Variants in ANO10 observed in about 807,000 individuals in gnomAD.
ANO10 encodes the protein anoctamin 10, also known as anoctamin-10.
ANO10 carries 77 observed loss-of-function variants against 74.7 expected under a neutral mutation model. The ratio of observed to expected loss-of-function variants is 1.03; its 90% confidence interval spans 0.86 to 1.25. ANO10 has a LOEUF of 1.25. Ranked by LOEUF, ANO10 falls within the 50% of genes most tolerant of loss-of-function variation. ANO10 has a pLI of 0.00. For missense variants in ANO10, 721 were observed against 778.1 expected, an observed-to-expected ratio of 0.93 and a Z score of 0.87; for synonymous variants, 279 against 284.9, an observed-to-expected ratio of 0.98 and a Z score of 0.21.
chr3:43,477,531 T>C (rs1041096925), intron 11 of ANO10, among the ~76,000 whole-genome samples: 1 of 152,208 alleles, frequency 6.6e-6, no homozygotes, highest in South Asian at 2.1e-4. Flanking sequence ...AAAATGTCAT[T>C]GCATAAAAGT....
chr3:43,602,685 G>C (rs2082390163), intron 2 of ANO10, among the ~76,000 whole-genome samples: 2 of 152,154 alleles, frequency 1.3e-5, no homozygotes, highest in Admixed American at 6.5e-5. Context: ...TTTTGAAAAA[G>C]AGCATTTTTC....
chr3:43,633,835 T>C (rs1559378246), intron 1 of ANO10, among the ~76,000 whole-genome samples: 1 of 151,486 alleles, frequency 6.6e-6, no homozygotes, highest in Non-Finnish European at 1.5e-5. Context: ...TCAAGTCCCA[T>C]GGGAACATGT....
chr3:43,642,879 G>A (rs942592212), intron 1 of ANO10, among the ~76,000 whole-genome samples: 6 of 151,112 alleles, frequency 4.0e-5, no homozygotes, highest in South Asian at 2.1e-4. Context: ...ATGCCTGGTC[G>A]CCAATTCATG....
chr3:43,586,781 G>A (rs757441112), intron 4 of ANO10, among the ~76,000 whole-genome samples: 3 of 152,060 alleles, frequency 2.0e-5, no homozygotes, highest in Non-Finnish European at 4.4e-5. Flanking sequence ...GGACCTCTGA[G>A]AGCTGAAGGA....
At chr3:43,437,408 C>A (rs1239447781) in intron 11 of ANO10, among the ~76,000 whole-genome samples, 1 of 152,190 alleles carries the variant, frequency 6.6e-6, no homozygotes, top group Non-Finnish European at 1.5e-5. Context: ...TCATAGGGAC[C>A]TTTCTCATGC....
At chr3:43,488,216 C>CT (rs1489555150) in intron 11 of ANO10, among the ~76,000 whole-genome samples, 4 of 151,114 alleles carry the variant, frequency 2.6e-5, no homozygotes, top group Non-Finnish European at 4.4e-5. Flanking sequence ...CATAAAAACC[C>CT]TAGAAGAAAA....
At chr3:43,688,979 G>C (rs1325909924) in intron 1 of ANO10, among the ~76,000 whole-genome samples, 1 of 152,172 alleles carries the variant, frequency 6.6e-6, no homozygotes, top group Non-Finnish European at 1.5e-5. Flanking sequence ...ATTTACTCAC[G>C]GCAGAGGGCA....
rs558215544 is a variant in ANO10 at position 43,616,152 on chromosome 3, A to G, written c.-12+5757T>C. On this transcript the variant is annotated intron_variant, in intron 1 of 12. Transcript: ENST00000292246. ...CTTCCATCCCGCACCTATCCAGGAG[A>G]CTGCAAAGCTTCAGAGAGCTGGACA... Among the ~76,000 whole-genome samples, 3 of 152,192 alleles carry G rather than the reference A, an allele frequency of 2.0e-5. No homozygotes were observed. The South Asian group carries it at 6.2e-4, about 31-fold the overall frequency.
intron 1 of ANO10, among the ~76,000 whole-genome samples, chr3:43,686,154 CT>C (rs2084272121): frequency 6.6e-6 from 1 of 152,192 alleles, no homozygotes; most frequent in Admixed American, 6.5e-5. Flanking sequence ...AGCTCTCAAC[CT>C]CTCATGCCTT....
intron 1 of ANO10, among the ~76,000 whole-genome samples, chr3:43,658,455 A>G (rs1025934111): frequency 6.0e-5 from 9 of 150,846 alleles, no homozygotes; most frequent in African/African-American, 1.5e-4. Context: ...ACCAAAGTTT[A>G]TATTATTATT....
At chr3:43,548,261 G>A (rs2079291860) in intron 11 of ANO10, among the ~76,000 whole-genome samples, 1 of 152,136 alleles carries the variant, frequency 6.6e-6, no homozygotes, top group Non-Finnish European at 1.5e-5. Context: ...GAAGTGAAGT[G>A]CCATATTCTA....
intron 11 of ANO10, among the ~76,000 whole-genome samples, chr3:43,482,574 C>A (rs183573344): frequency 6.6e-6 from 1 of 152,268 alleles, no homozygotes; most frequent in Admixed American, 6.5e-5. Flanking sequence ...AACACACTAA[C>A]CTTCCAATAG....
intron 11 of ANO10, among the ~76,000 whole-genome samples, chr3:43,432,944 CTTTTTTTTTTTTTTTT>C (rs5848663): frequency 1.6e-4 from 9 of 55,282 alleles, no homozygotes; most frequent in Non-Finnish European, 2.0e-4. Flanking sequence ...TTGCTTAATT[CTTTTTTTTTTTTTTTT>C]TTTTTTTTTT....
At chr3:43,433,877 A>T (rs2148946175) in intron 11 of ANO10, among the ~76,000 whole-genome samples, 1 of 152,368 alleles carries the variant, frequency 6.6e-6, no homozygotes, top group Non-Finnish European at 1.5e-5. Flanking sequence ...AAAAGTTGTG[A>T]ATTTTAAAAG....
intron 12 of ANO10, among the ~76,000 whole-genome samples, chr3:43,405,357 T>C (rs2148879377): frequency 6.6e-6 from 1 of 152,296 alleles, no homozygotes; most frequent in East Asian, 1.9e-4. Context: ...AGGGCAGAAG[T>C]GATGTGAGAA....
intron 1 of ANO10, among the ~76,000 whole-genome samples, chr3:43,629,542 A>C (rs1186329715): frequency 1.3e-5 from 2 of 152,210 alleles, no homozygotes; most frequent in Non-Finnish European, 2.9e-5. Context: ...TGAGATACAC[A>C]GCAGAGACAC....
chr3:43,429,188 A>T (rs1046531551), intron 12 of ANO10, among the ~76,000 whole-genome samples: 1 of 152,144 alleles, frequency 6.6e-6, no homozygotes, highest in African/African-American at 2.4e-5. Context: ...AGTTTTAGGT[A>T]AATGTATTTA....
chr3:43,685,313 T>C (rs1235130793), intron 1 of ANO10, among the ~76,000 whole-genome samples: 1 of 152,244 alleles, frequency 6.6e-6, no homozygotes, highest in Admixed American at 6.5e-5. Flanking sequence ...GTATATTTCA[T>C]GGATTTTGCT....
chr3:43,377,251 A>C (rs952136170), intron 12 of ANO10, among the ~76,000 whole-genome samples: 1 of 151,870 alleles, frequency 6.6e-6, no homozygotes, highest in Admixed American at 6.6e-5. Context: ...ACACCCAGCT[A>C]ATTTTTTGCA....
Sources: gnomAD v4.1 joint callset for allele counts (sites outside exome capture counted in the v4.1 genomes callset) on GRCh38, gnomAD v4.1.1 for gene constraint, MANE v1.5 for transcripts, NCBI Gene and HGNC (gene_info 2026-07-23, HGNC 2026-07-21) for gene names.